Variants in IL18BP observed in about 807,000 individuals in gnomAD.
The protein encoded by IL18BP is interleukin 18 binding protein, also known as interleukin-18-binding protein.
IL18BP carries 23 observed loss-of-function variants against 19.9 expected under a neutral mutation model. That is an observed-to-expected ratio of 1.15 (90% CI 0.83 to 1.64). The LOEUF (loss-of-function observed/expected upper bound fraction) is 1.64, where lower values mean the gene tolerates loss of function less well. Among genes scored for constraint, IL18BP ranks in the 40% most tolerant of loss-of-function variants. The pLI is 0.00. For missense variants in IL18BP, 239 were observed against 240.7 expected, an observed-to-expected ratio of 0.99 and a Z score of 0.05; for synonymous variants, 107 against 101.0, an observed-to-expected ratio of 1.06 and a Z score of -0.35.
chr11:72,003,299 G>A (rs1021511883), downstream of IL18BP: 10 of 565,014 alleles, frequency 1.8e-5, no homozygotes, highest in Non-Finnish European at 3.2e-5. Context: ...GGCAAGGTAG[G>A]GAGAGCGCCC....
downstream of IL18BP, chr11:72,003,866 C>G: frequency 1.2e-6 from 2 of 1,612,072 alleles, no homozygotes; most frequent in Non-Finnish European, 1.7e-6. Context: ...TTTCCCTCCC[C>G]CATCCTGCCA....
downstream of IL18BP, chr11:72,004,054 T>C (rs760877546): frequency 1.2e-6 from 2 of 1,613,444 alleles, no homozygotes; most frequent in Admixed American, 3.3e-5. Context: ...CCTAGCTTCT[T>C]GGGTGTGTTG....
chr11:72,001,702 C>T (rs1955255816), intron 5 of IL18BP, 82 bp from the exon 6 acceptor site: 2 of 1,612,566 alleles, frequency 1.2e-6, no homozygotes, highest in South Asian at 1.1e-5. Context: ...AGGTCTTGGG[C>T]AGAGGAGGTG....
At chr11:72,002,922 C>T (rs78932475), downstream of IL18BP, 749 of 232,038 alleles carry the variant, frequency 3.2e-3, 12 homozygotes, top group African/African-American at 0.015. Flanking sequence ...GATCCATCCC[C>T]GGCCCTTAAA....
chr11:72,003,552 A>G (rs997761775), downstream of IL18BP: 2 of 1,614,032 alleles, frequency 1.2e-6, no homozygotes, highest in Non-Finnish European at 1.7e-6. Context: ...AAAGAGACAC[A>G]GTCACATGGC....
chr11:72,003,676 G>T, downstream of IL18BP: 1 of 1,199,842 alleles, frequency 8.3e-7, no homozygotes. Context: ...TCAGTTGCTG[G>T]CTGTGCCTGA....
chr11:72,005,384 G>C, downstream of IL18BP: 1 of 1,601,132 alleles, frequency 6.2e-7, no homozygotes, highest in Non-Finnish European at 8.5e-7. Flanking sequence ...GGAAGGCAGG[G>C]AAGTGGGAAC....
chr11:72,006,018 C>T (rs1002999983), downstream of IL18BP: 1 of 1,588,658 alleles, frequency 6.3e-7, no homozygotes, highest in Non-Finnish European at 8.6e-7. Flanking sequence ...TATAGTAAGT[C>T]CCTGTAGTCC....
chr11:72,006,188 TAGCCTGGGA>T (rs1955678091), downstream of IL18BP: 1 of 1,614,006 alleles, frequency 6.2e-7, no homozygotes, highest in Admixed American at 1.7e-5. Flanking sequence ...GCTCGCAGGC[TAGCCTGGGA>T]AGCAGGAGCA....
At chr11:72,002,817 G>A (rs1286844561), downstream of IL18BP, 1 of 195,494 alleles carries the variant, frequency 5.1e-6, no homozygotes, top group Non-Finnish European at 1.1e-5. Context: ...AGGCTTCAAA[G>A]AGCCTATATT....
At chr11:72,006,423 C>T (rs1222431418), downstream of IL18BP, among the ~76,000 whole-genome samples, 1 of 152,186 alleles carries the variant, frequency 6.6e-6, no homozygotes, top group Non-Finnish European at 1.5e-5. Context: ...TGGGCCTTGT[C>T]GACAGAAGCC....
downstream of IL18BP, chr11:72,007,495 C>T (rs925761595): frequency 4.6e-5 from 73 of 1,588,350 alleles, no homozygotes; most frequent in South Asian, 7.6e-4. Flanking sequence ...TTTGTCCAGC[C>T]CTTTTTGAAA....
chr11:72,003,495 C>T (rs372495840), downstream of IL18BP: 3 of 1,611,684 alleles, frequency 1.9e-6, no homozygotes, highest in Non-Finnish European at 2.5e-6. Flanking sequence ...GCATCGGGGA[C>T]ACAGGTGGGG....
At position 72,001,819 on chromosome 11, in the gene IL18BP, A is replaced by G. The variant is rs775650064; in HGVS notation, c.543A>G (p.Glu181=). 6.2e-7 allele frequency: 1 copy of G among 1,613,946 alleles called. No individual in the cohort carries two copies. Among genetic ancestry groups the G allele is most frequent in the East Asian group, 2.2e-5 (1 of 44,862 alleles). Residue 181 remains glutamate, a synonymous_variant, in exon 6 of 6, where the codon GAA becomes GAG. Coordinates refer to ENST00000393703, the MANE Select transcript of IL18BP (RefSeq NM_001039660.2). ...GGGCAACCTTGCCCCCCACCCAAGA[A>G]GCCCTGCCCTCCAGCCACAGCAGTC... ...GLRATLPPTQ[E]ALPSSHSSPQ...
downstream of IL18BP, chr11:72,005,981 G>A (rs59722863): frequency 9.3e-4 from 1,303 of 1,404,204 alleles, 19 homozygotes; most frequent in African/African-American, 0.016. Flanking sequence ...CCTGTGCCAC[G>A]ATCCACCTTC....
At position 72,000,008 on chromosome 11, in the gene IL18BP, A is replaced by G; in HGVS notation, c.24A>G (p.Thr8=). 6.2e-7 allele frequency: 1 copy of G among 1,613,936 alleles called. No individual in the cohort carries two copies. The highest frequency in any genetic ancestry group is 8.5e-7 in the Non-Finnish European group (1 of 1,179,828). The change falls in exon 2 of 6, where the codon ACA becomes ACG. Residue 8 remains threonine (T), a synonymous_variant. Coordinates refer to ENST00000393703, the MANE Select transcript of IL18BP (RefSeq NM_001039660.2). The part of the protein sequence containing the change: MTMRHNW[T]PDLSPLWVLL... ...TCATGACCATGAGACACAACTGGAC[A>G]CCAGGTAGGCCTTGGGGCTACGCAT... is the stretch of plus-strand genomic sequence containing the variant.
At chr11:72,007,833 G>A, downstream of IL18BP, 1 of 351,442 alleles carries the variant, frequency 2.8e-6, no homozygotes, top group South Asian at 2.4e-5. Context: ...CGTCCTGCTT[G>A]GCGAGCCCAA....
Position 72,002,008 on chromosome 11 carries a change from C to T in IL18BP, c.*147C>T. 1 of 1,218,454 alleles carries T rather than the reference C, an allele frequency of 8.2e-7. No homozygotes were observed. Among genetic ancestry groups the T allele is most frequent in the Non-Finnish European group, 1.1e-6 (1 of 876,786 alleles). The allele number at this position is 1,218,454 out of a possible 1,614,324, so 75.5% of individuals were successfully genotyped here. Reference sequence around the variant, plus strand: ...TCTCTGCTTTGGGTCCCTTCTCTCACCAAATTCAAACTCCATTCCCACCTA... The same window carrying T: ...TCTCTGCTTTGGGTCCCTTCTCTCATCAAATTCAAACTCCATTCCCACCTA... On this transcript the variant is annotated 3_prime_UTR_variant, in exon 6 of 6. Coordinates refer to ENST00000393703, the MANE Select transcript of IL18BP (RefSeq NM_001039660.2).
downstream of IL18BP, chr11:72,004,399 G>GTGAGGACAGTTAGGCAGACA: frequency 6.7e-7 from 1 of 1,495,952 alleles, no homozygotes; most frequent in Non-Finnish European, 9.3e-7. Context: ...TCTGAAGCCA[G>GTGAGGACAGTTAGGCAGACA]GTGTCTTGTC....
Sources: allele counts gnomAD v4.1 joint callset (sites outside exome capture counted in the v4.1 genomes callset), GRCh38; gene constraint gnomAD v4.1.1; transcripts MANE v1.5; gene names NCBI Gene and HGNC (gene_info 2026-07-23, HGNC 2026-07-21).